Variants in GORASP2 observed in about 807,000 individuals in gnomAD.
GORASP2 encodes the protein Golgi reassembly-stacking protein 2.
A neutral mutation model predicts 45.7 loss-of-function variants in GORASP2; 22 were observed. That is an observed-to-expected ratio of 0.48 (90% CI 0.34 to 0.69). The LOEUF is 0.69. GORASP2 is among the 30% of genes least tolerant of loss of function. The pLI is 0.01. For synonymous variants in GORASP2, 221 were observed against 215.6 expected (o/e 1.02, Z -0.22); for missense variants, 491 against 562.7 (o/e 0.87, Z 1.29).
chr2:170,964,919 T>G (rs1356215164), intron 9 of GORASP2, among the ~76,000 whole-genome samples: 1 of 121,090 alleles, frequency 8.3e-6, no homozygotes, highest in South Asian at 3.6e-4. Context: ...TTTTTTTTTT[T>G]GAGACAGAGT....
In GORASP2 at chr2:170,958,625, T is replaced by C. The variant is rs535539431; in HGVS notation, c.823+2066T>C. Reference sequence around the variant, plus strand: ...TTTGAGTCTGAATTGTTCATATTTGTTTTAGAGTAAGCGTGTTTCCAGATG... The same window carrying C: ...TTTGAGTCTGAATTGTTCATATTTGCTTTAGAGTAAGCGTGTTTCCAGATG... On this transcript the variant is annotated intron_variant, in intron 7 of 9. Transcript: ENST00000234160. Among the ~76,000 whole-genome samples, 13 of 151,920 alleles carry C rather than the reference T, an allele frequency of 8.6e-5. No individual in the cohort carries two copies. In the South Asian group the frequency reaches 1.9e-3, roughly 22 times the overall value.
intron 1 of GORASP2, among the ~76,000 whole-genome samples, chr2:170,936,207 T>C (rs1273159356): frequency 1.3e-5 from 2 of 150,758 alleles, no homozygotes; most frequent in African/African-American, 2.4e-5. Flanking sequence ...AAGTTTGATA[T>C]GTGCTTTTGA....
intron 1 of GORASP2, among the ~76,000 whole-genome samples, chr2:170,939,265 G>A (rs904593093): frequency 7.9e-5 from 12 of 152,164 alleles, no homozygotes; most frequent in Non-Finnish European, 1.8e-4. Context: ...TTGCTTGAAT[G>A]TTAAAAATTA....
chr2:170,950,531 T>G (rs1237393521), intron 4 of GORASP2, among the ~76,000 whole-genome samples: 1 of 152,208 alleles, frequency 6.6e-6, no homozygotes. Context: ...TATACAGAAA[T>G]CTTTGCATAC....
intron 2 of GORASP2, 69 bp from the exon 3 acceptor site, chr2:170,949,470 G>A: frequency 1.0e-6 from 1 of 998,466 alleles, no homozygotes; most frequent in Admixed American, 1.8e-5. Context: ...ACTCTTATAG[G>A]GCCATAGGAT....
intron 1 of GORASP2, among the ~76,000 whole-genome samples, chr2:170,942,429 CTA>C (rs1559309491): frequency 6.6e-6 from 1 of 152,156 alleles, no homozygotes; most frequent in Non-Finnish European, 1.5e-5. Context: ...CTTTCTGTCT[CTA>C]TGGATTTGTC....
intron 1 of GORASP2, among the ~76,000 whole-genome samples, chr2:170,947,289 C>CCA (rs1249904316): frequency 6.6e-6 from 1 of 152,166 alleles, no homozygotes; most frequent in Non-Finnish European, 1.5e-5. Flanking sequence ...CTATTTCTGT[C>CCA]CACACTACTC....
intron 9 of GORASP2, among the ~76,000 whole-genome samples, chr2:170,965,490 G>A (rs1017442212): frequency 6.6e-6 from 1 of 152,290 alleles, no homozygotes; most frequent in Admixed American, 6.5e-5. Context: ...TGGGTGGGCT[G>A]CTATCTCTTC....
chr2:170,948,290 C>A (rs375029669), intron 1 of GORASP2, 60 bp from the exon 2 acceptor site: 1 of 913,094 alleles, frequency 1.1e-6, no homozygotes, highest in South Asian at 1.4e-5. Flanking sequence ...AAGAGAGATT[C>A]GGCTTACAAT....
chr2:170,929,453 G>A lies in GORASP2; in HGVS notation c.63+50G>A, dbSNP rs752596096. 3.9e-6 allele frequency: 5 copies of A among 1,290,730 alleles called. No homozygotes were observed. In the East Asian group the frequency reaches 1.6e-4, roughly 40 times the overall value. The allele number at this position is 1,290,730 out of a possible 1,614,324, so 80.0% of individuals were successfully genotyped here. A position where few individuals can be genotyped will look rare whatever the true frequency, so the allele number is the denominator to read the frequency against. On this transcript the variant is annotated intron_variant, in intron 1 of 9. Coordinates refer to ENST00000234160, the MANE Select transcript of GORASP2 (RefSeq NM_015530.5). Reference sequence around the variant, plus strand: ...GAGCTGCGGGCTGGAGGCGGGGCCGGCCGCGGGGAGGCGGAGGCCCCCATG... The same window carrying A: ...GAGCTGCGGGCTGGAGGCGGGGCCGACCGCGGGGAGGCGGAGGCCCCCATG...
At chr2:170,955,685 A>G (rs1405812361) in intron 6 of GORASP2, among the ~76,000 whole-genome samples, 3 of 152,230 alleles carry the variant, frequency 2.0e-5, no homozygotes, top group Non-Finnish European at 4.4e-5. Flanking sequence ...GGCCAGAGCC[A>G]ATATAGTTAC....
rs1704685449 is a variant in GORASP2 at position 170,966,209 on chromosome 2, C to T, written c.*79C>T. 1.0e-6 allele frequency: 1 copy of T among 1,004,954 alleles called. No homozygotes were observed. The highest frequency in any genetic ancestry group is 1.6e-5 in the African/African-American group (1 of 63,462). The allele number at this position is 1,004,954 out of a possible 1,614,324, so 62.3% of individuals were successfully genotyped here. On this transcript the variant is annotated 3_prime_UTR_variant, in exon 10 of 10. Coordinates refer to ENST00000234160, the MANE Select transcript of GORASP2 (RefSeq NM_015530.5). ...TGGAAACGCAAACTATCATTAATTTCATACTAGTTTGTACCGTATCTGTAG... is the reference window on the plus strand; with the variant it reads ...TGGAAACGCAAACTATCATTAATTTTATACTAGTTTGTACCGTATCTGTAG...
At chr2:170,940,165 A>G (rs1392894882) in intron 1 of GORASP2, among the ~76,000 whole-genome samples, 1 of 152,234 alleles carries the variant, frequency 6.6e-6, no homozygotes, top group African/African-American at 2.4e-5. Context: ...TAAGGAAGAT[A>G]ATTTACATAT....
intron 1 of GORASP2, among the ~76,000 whole-genome samples, chr2:170,944,215 G>A (rs1704135136): frequency 6.6e-6 from 1 of 152,192 alleles, no homozygotes; most frequent in African/African-American, 2.4e-5. Flanking sequence ...GGATAACATT[G>A]CAAGAGAAAC....
intron 1 of GORASP2, among the ~76,000 whole-genome samples, chr2:170,935,809 C>T (rs970218761): frequency 1.3e-5 from 2 of 152,120 alleles, no homozygotes; most frequent in African/African-American, 4.8e-5. Flanking sequence ...CTCCTGAGTT[C>T]AAGCAATCCA....
chr2:170,940,292 A>G (rs1383142783), intron 1 of GORASP2, among the ~76,000 whole-genome samples: 1 of 152,188 alleles, frequency 6.6e-6, no homozygotes, highest in African/African-American at 2.4e-5. Context: ...ACTTTAAGGT[A>G]GAAGGTCTGT....
chr2:170,951,312 T>C lies in GORASP2; in HGVS notation c.436-16T>C. The C allele has an allele frequency of 6.3e-7, 1 of 1,585,932 alleles. No individual in the cohort carries two copies. Among genetic ancestry groups the C allele is most frequent in the Non-Finnish European group, 8.6e-7 (1 of 1,168,718 alleles). On this transcript the variant is annotated splice_polypyrimidine_tract_variant and intron_variant, in intron 4 of 9. Coordinates refer to ENST00000234160, the MANE Select transcript of GORASP2 (RefSeq NM_015530.5). ...TATGGTAACGTGAAACATTTTCTCC[T>C]GTGACACTTTTGCAGTCTGAAGATC...
intron 1 of GORASP2, among the ~76,000 whole-genome samples, chr2:170,932,783 A>G (rs1299944989): frequency 6.6e-6 from 1 of 152,208 alleles, no homozygotes; most frequent in Non-Finnish European, 1.5e-5. Flanking sequence ...ATGTTTCACA[A>G]AGATTTTGAA....
At chr2:170,932,099 C>T (rs1176843674) in intron 1 of GORASP2, among the ~76,000 whole-genome samples, 1 of 152,166 alleles carries the variant, frequency 6.6e-6, no homozygotes, top group East Asian at 1.9e-4. Flanking sequence ...TGGTAGTGCA[C>T]ACCTGTAATC....
Sources: allele counts gnomAD v4.1 joint callset (sites outside exome capture counted in the v4.1 genomes callset), GRCh38; gene constraint gnomAD v4.1.1; transcripts MANE v1.5; gene names NCBI Gene and HGNC (gene_info 2026-07-23, HGNC 2026-07-21).